LMNB1: variants seen among roughly 807,000 people sequenced by gnomAD.
The protein encoded by LMNB1 is lamin B1, also known as lamin-B1.
Under a neutral mutation model 67.1 loss-of-function variants are expected in LMNB1, and 23 were observed. That is an observed-to-expected ratio of 0.34 (90% CI 0.25 to 0.49). The LOEUF (loss-of-function observed/expected upper bound fraction) is 0.49, where lower values mean the gene tolerates loss of function less well. Among genes scored for constraint, LMNB1 ranks in the 20% least tolerant of loss-of-function variants. LMNB1 has a pLI of 0.99. For synonymous variants in LMNB1, 281 were observed against 282.9 expected, an observed-to-expected ratio of 0.99 and a Z score of 0.07; for missense variants, 634 against 746.5, an observed-to-expected ratio of 0.85 and a Z score of 1.76.
At chr5:126,828,416 A>G (rs1752048733) in intron 9 of LMNB1, among the ~76,000 whole-genome samples, 1 of 152,220 alleles carries the variant, frequency 6.6e-6, no homozygotes, top group Non-Finnish European at 1.5e-5. Context: ...ATACAGTGAC[A>G]TGAACAAAGT....
intron 4 of LMNB1, among the ~76,000 whole-genome samples, chr5:126,810,931 C>T (rs935002483): frequency 6.6e-6 from 1 of 152,212 alleles, no homozygotes; most frequent in African/African-American, 2.4e-5. Context: ...TACAGGCTTT[C>T]CCTGGTAAAT....
rs943561241 is a variant in LMNB1 at position 126,836,956 on chromosome 5, G to A, written c.*692G>A. ...AAAATGCATTCGTTGTGTTTTTTAA[G>A]ATAGTGTAACTTGCTTAAATTTCTT... On this transcript the variant is annotated 3_prime_UTR_variant, in exon 11 of 11. Transcript: ENST00000261366. 2 of 398,122 alleles carry A rather than the reference G, an allele frequency of 5.0e-6. No individual in the cohort carries two copies. The highest frequency in any genetic ancestry group is 4.4e-5 in the Admixed American group (1 of 22,706). The allele number at this position is 398,122 out of a possible 1,614,324, so 24.7% of individuals were successfully genotyped here.
chr5:126,793,527 A>C (rs1751016977), intron 1 of LMNB1, among the ~76,000 whole-genome samples: 1 of 152,204 alleles, frequency 6.6e-6, no homozygotes, highest in African/African-American at 2.4e-5. Flanking sequence ...GTTTATGCAA[A>C]AGCATCTTCT....
In LMNB1 at chr5:126,786,097, C is replaced by T. The variant is rs1186142287; in HGVS notation, c.359+8230C>T. 6.2e-5 allele frequency among the ~76,000 whole-genome samples: 9 copies of T among 144,168 alleles called. No individual in the cohort carries two copies. The South Asian group carries it at 2.0e-3, about 32-fold the overall frequency. 94.6% of individuals were successfully genotyped at this position (144,168 alleles called of 152,430 possible). On this transcript the variant is annotated intron_variant, in intron 1 of 10. Transcript: ENST00000261366. ...TGTTTGCCAGGCATTACAGTAGATG[C>T]TTTACAGACATTATCTTTTTTTTTT...
chr5:126,824,069 G>A (rs1751932940), intron 8 of LMNB1, among the ~76,000 whole-genome samples: 1 of 152,150 alleles, frequency 6.6e-6, no homozygotes, highest in African/African-American at 2.4e-5. Flanking sequence ...TAGAGATCTA[G>A]TGGATAACTC....
At chr5:126,827,656 A>C (rs1024632842) in intron 9 of LMNB1, among the ~76,000 whole-genome samples, 1 of 152,192 alleles carries the variant, frequency 6.6e-6, no homozygotes, top group Non-Finnish European at 1.5e-5. Flanking sequence ...CAAATAAATA[A>C]ATAAAGTTAC....
At position 126,777,152 on chromosome 5, in the gene LMNB1, G is replaced by A. The variant is rs2084998956; in HGVS notation, c.-357G>A. On this transcript the variant is annotated 5_prime_UTR_variant, in exon 1 of 11. Coordinates refer to ENST00000261366, the MANE Select transcript of LMNB1 (RefSeq NM_005573.4). ...CCGCCCGCCGCTCCGTGCAGCCTGA[G>A]AGGAAACAAAGTGCTGCGAGCAGGA... The A allele has an allele frequency of 5.5e-6, 1 of 181,514 alleles. No homozygotes were observed. The highest frequency in any genetic ancestry group is 6.3e-5 in the Admixed American group (1 of 15,980). The allele number at this position is 181,514 out of a possible 1,614,324, so 11.2% of individuals were successfully genotyped here. A position where few individuals can be genotyped will look rare whatever the true frequency, so the allele number is the denominator to read the frequency against.
At chr5:126,793,971 G>T (rs1349445277) in intron 1 of LMNB1, among the ~76,000 whole-genome samples, 1 of 151,550 alleles carries the variant, frequency 6.6e-6, no homozygotes, top group Admixed American at 6.6e-5. Context: ...ATCTCGCTTT[G>T]TTGCCCAGGC....
At chr5:126,786,024 G>A (rs1345367132) in intron 1 of LMNB1, among the ~76,000 whole-genome samples, 1 of 149,892 alleles carries the variant, frequency 6.7e-6, no homozygotes, top group Non-Finnish European at 1.5e-5. Context: ...GGGGGTGGGG[G>A]AAAAGATGCA....
In LMNB1 at chr5:126,810,342, C is replaced by T. The variant is rs761355859; in HGVS notation, c.805C>T (p.His269Tyr). ...TAAGGAGGAGCTGGAGCAGACTTAC[C>T]ATGCCAAAGTGAGCTCTCTTCAGAA... ...LYKEELEQTY[H>Y]AKLENARLSS... The change falls in exon 4 of 11, where the codon CAT becomes TAT. Residue 269 changes from histidine (H) to tyrosine (Y), a missense_variant. His to Tyr is a moderately conservative substitution (Grantham distance 83). Transcript: ENST00000261366. 1.9e-5 allele frequency: 31 copies of T among 1,603,834 alleles called. No homozygotes were observed. Among genetic ancestry groups the T allele is most frequent in the Non-Finnish European group, 2.6e-5 (30 of 1,171,878 alleles).
chr5:126,808,084 C>T (rs1233354384), intron 3 of LMNB1, among the ~76,000 whole-genome samples: 1 of 152,140 alleles, frequency 6.6e-6, no homozygotes, highest in Non-Finnish European at 1.5e-5. Context: ...ATTGGCCAGG[C>T]TGGTCTCGAA....
intron 5 of LMNB1, among the ~76,000 whole-genome samples, chr5:126,814,046 C>G (rs1435160890): frequency 6.6e-6 from 1 of 152,154 alleles, no homozygotes; most frequent in African/African-American, 2.4e-5. Flanking sequence ...CCGGCATGCA[C>G]CACCACACCC....
chr5:126,815,749 C>T (rs972584337), intron 5 of LMNB1, among the ~76,000 whole-genome samples: 30 of 152,276 alleles, frequency 2.0e-4, no homozygotes, highest in African/African-American at 6.5e-4. Context: ...AAAGGAGAAT[C>T]TAGGTCTAAC....
Position 126,777,804 on chromosome 5 carries a change from A to G in LMNB1, c.296A>G (p.Glu99Gly). 1 of 1,490,324 alleles carries G rather than the reference A, an allele frequency of 6.7e-7. No individual in the cohort carries two copies. The highest frequency in any genetic ancestry group is 8.9e-7 in the Non-Finnish European group (1 of 1,117,974). The allele number at this position is 1,490,324 out of a possible 1,614,324, so 92.3% of individuals were successfully genotyped here. ...ARRALDDTAR[E>G]RAKLQIELGK... ...CGCGCGCTCGACGACACGGCCCGCG[A>G]GCGCGCCAAGCTGCAGATCGAGCTG... The change falls in exon 1 of 11, where the codon GAG becomes GGG. Residue 99 changes from glutamate (E) to glycine (G), a missense_variant. Transcript: ENST00000261366.
chr5:126,781,017 G>T (rs1750621379), intron 1 of LMNB1, among the ~76,000 whole-genome samples: 1 of 152,122 alleles, frequency 6.6e-6, no homozygotes, highest in South Asian at 2.1e-4. Flanking sequence ...TCCTGGCCAG[G>T]CACGGTGGCT....
At chr5:126,802,982 C>T (rs1040901345) in intron 1 of LMNB1, among the ~76,000 whole-genome samples, 7 of 151,630 alleles carry the variant, frequency 4.6e-5, no homozygotes, top group Admixed American at 2.0e-4. Context: ...GCCAGGTGTT[C>T]GAGACCAGCC....
intron 9 of LMNB1, among the ~76,000 whole-genome samples, chr5:126,828,004 C>T (rs1368345358): frequency 6.6e-6 from 1 of 152,066 alleles, no homozygotes; most frequent in Non-Finnish European, 1.5e-5. Context: ...ATGCTTGGCA[C>T]ATAACAGGAA....
intron 9 of LMNB1, among the ~76,000 whole-genome samples, chr5:126,832,076 G>C (rs1302595795): frequency 6.6e-6 from 1 of 152,038 alleles, no homozygotes. Context: ...GACCAGCCTG[G>C]CCAACGTGGC....
chr5:126,830,792 G>A (rs984808659), intron 9 of LMNB1, among the ~76,000 whole-genome samples: 17 of 152,184 alleles, frequency 1.1e-4, no homozygotes, highest in African/African-American at 4.1e-4. Flanking sequence ...TTTAAGATGA[G>A]TTGAGAAAAG....
Sources: allele counts gnomAD v4.1 joint callset (sites outside exome capture counted in the v4.1 genomes callset), GRCh38; gene constraint gnomAD v4.1.1; transcripts MANE v1.5; gene names NCBI Gene and HGNC (gene_info 2026-07-23, HGNC 2026-07-21).